MME: variants seen among roughly 807,000 people sequenced by gnomAD.
MME encodes the protein neprilysin.
In MME, 98 loss-of-function variants were observed where a neutral mutation model predicts 113.2. The ratio of observed to expected loss-of-function variants is 0.87; its 90% CI spans 0.74 to 1.02. MME has a LOEUF of 1.02. MME is among the 50% of genes least tolerant of loss of function. MME has a pLI of 0.00. For missense variants in MME, 836 were observed against 896.0 expected (o/e 0.93, Z 0.86); for synonymous variants, 292 against 300.6 (o/e 0.97, Z 0.30).
intron 1 of MME, among the ~76,000 whole-genome samples, chr3:155,063,513 AAATATATATATT>A (rs1299875279): frequency 1.8e-5 from 2 of 112,142 alleles, no homozygotes; most frequent in African/African-American, 7.8e-5. Context: ...ATATATATTT[AAATATATATATT>A]AAAAATATAT....
intron 13 of MME, 142 bp downstream of exon 13, chr3:155,143,713 G>A: frequency 1.0e-6 from 1 of 1,001,514 alleles, no homozygotes; most frequent in South Asian, 1.4e-5. Context: ...ATATGCCATT[G>A]TTTCCCAATA....
At position 155,183,406 on chromosome 3, in the gene MME, C is replaced by T. The variant is rs200757130; in HGVS notation, c.*2947C>T. 6.6e-6 allele frequency: 1 copy of T among 152,174 alleles called. No individual in the cohort carries two copies. The highest frequency in any genetic ancestry group is 1.9e-4 in the East Asian group (1 of 5,192). 9.4% of individuals were successfully genotyped at this position (152,174 alleles called of 1,614,324 possible). ...ATCAGTGGGCAGGATAAACTGAAAA[C>T]TCCCATTTACGTGTCTGAATCGAGT... On this transcript the variant is annotated 3_prime_UTR_variant, in exon 23 of 23. Coordinates refer to ENST00000360490, the MANE Select transcript of MME (RefSeq NM_007289.4).
chr3:155,118,729 A>G lies in MME; in HGVS notation c.655-17A>G. The G allele has an allele frequency of 6.7e-7, 1 of 1,483,056 alleles. No individual in the cohort carries two copies. Among genetic ancestry groups the G allele is most frequent in the Non-Finnish European group, 9.4e-7 (1 of 1,068,824 alleles). The allele number at this position is 1,483,056 out of a possible 1,614,324, so 91.9% of individuals were successfully genotyped here. A position where few individuals can be genotyped will look rare whatever the true frequency, so the allele number is the denominator to read the frequency against. On this transcript the variant is annotated splice_polypyrimidine_tract_variant and intron_variant, in intron 7 of 22. Transcript: ENST00000360490. ...TTCACTGAATGATTTATTTTCTTTTATGTATATTTTTTATAGATTGACCAA... is the reference window on the plus strand; with the variant it reads ...TTCACTGAATGATTTATTTTCTTTTGTGTATATTTTTTATAGATTGACCAA...
Position 155,168,348 on chromosome 3 carries a change from G to T in MME, c.1781-144G>T. On this transcript the variant is annotated intron_variant, in intron 18 of 22. Coordinates refer to ENST00000360490, the MANE Select transcript of MME (RefSeq NM_007289.4). ...CCAGGCTTTGCCAACTCTGTGATGA[G>T]GAGGGATGACAGTCTCTCTCATCGT... The T allele has an allele frequency of 1.4e-5, 11 of 774,588 alleles. 1 individual carries two copies. In the South Asian group the frequency reaches 1.6e-4, roughly 11 times the overall value. The allele number at this position is 774,588 out of a possible 1,614,324, so 48.0% of individuals were successfully genotyped here. A position where few individuals can be genotyped will look rare whatever the true frequency, so the allele number is the denominator to read the frequency against.
chr3:155,061,468 A>AG (rs1714144629), intron 1 of MME, among the ~76,000 whole-genome samples: 1 of 151,768 alleles, frequency 6.6e-6, no homozygotes, highest in Non-Finnish European at 1.5e-5. Context: ...AAAAAAAAAA[A>AG]AAGGTATCAA....
At chr3:155,155,543 A>G (rs953198218) in intron 16 of MME, among the ~76,000 whole-genome samples, 2 of 152,154 alleles carry the variant, frequency 1.3e-5, no homozygotes, top group Admixed American at 6.5e-5. Context: ...AGTGCCTACT[A>G]TGCTCCCACC....
In MME at chr3:155,166,892, C is replaced by G; in HGVS notation, c.1661-10C>G. 1 of 1,613,524 alleles carries G rather than the reference C, an allele frequency of 6.2e-7. No homozygotes were observed. Among genetic ancestry groups the G allele is most frequent in the East Asian group, 2.2e-5 (1 of 44,810 alleles). On this transcript the variant is annotated splice_polypyrimidine_tract_variant and intron_variant, in intron 17 of 22. Transcript: ENST00000360490. ...CACAAATAATCTCTAACTATCTTCT[C>G]TCCTTGTAGTCTTCCCAGCCGGCAT...
At chr3:155,066,960 A>G (rs1714399287) in intron 1 of MME, among the ~76,000 whole-genome samples, 1 of 152,168 alleles carries the variant, frequency 6.6e-6, no homozygotes, top group South Asian at 2.1e-4. Flanking sequence ...GTATACCCCT[A>G]CAACCATCTC....
intron 8 of MME, among the ~76,000 whole-genome samples, chr3:155,134,604 A>T (rs1217072131): frequency 5.3e-5 from 8 of 152,096 alleles, no homozygotes. Flanking sequence ...TTAACAAATG[A>T]GTGCATAAGT....
At chr3:155,093,301 C>T (rs746088533) in intron 3 of MME, among the ~76,000 whole-genome samples, 16 of 151,880 alleles carry the variant, frequency 1.1e-4, no homozygotes, top group Admixed American at 6.6e-4. Context: ...AATATATTGA[C>T]GAAAAGTCTC....
intron 22 of MME, among the ~76,000 whole-genome samples, chr3:155,177,541 T>C (rs1234952090): frequency 1.3e-5 from 2 of 152,158 alleles, no homozygotes; most frequent in Non-Finnish European, 1.5e-5. Context: ...TTTTGGCTCA[T>C]GAACAATGGA....
chr3:155,116,593 T>TATATATATAC (rs778087201), intron 5 of MME, 34 bp downstream of exon 5: 2 of 1,267,534 alleles, frequency 1.6e-6, no homozygotes, highest in Non-Finnish European at 2.2e-6. Flanking sequence ...ATTAGGAGTA[T>TATATATATAC]ATATATATAT....
intron 20 of MME, among the ~76,000 whole-genome samples, chr3:155,171,072 G>A (rs1319050879): frequency 6.6e-6 from 1 of 152,190 alleles, no homozygotes; most frequent in Non-Finnish European, 1.5e-5. Context: ...TACACAGCCA[G>A]ATTGAGAATC....
intron 4 of MME, among the ~76,000 whole-genome samples, 191 bp from the exon 5 acceptor site, chr3:155,116,288 T>C (rs1718594117): frequency 6.6e-6 from 1 of 151,980 alleles, no homozygotes; most frequent in South Asian, 2.1e-4. Flanking sequence ...AATGATAATC[T>C]GGTAAGGGGT....
chr3:155,109,308 G>A (rs1392004424), intron 3 of MME, among the ~76,000 whole-genome samples: 2 of 152,078 alleles, frequency 1.3e-5, no homozygotes, highest in African/African-American at 4.8e-5. Context: ...TATTTTCCCT[G>A]CATCATCCAG....
At chr3:155,096,573 A>T (rs1281799354) in intron 3 of MME, among the ~76,000 whole-genome samples, 1 of 152,214 alleles carries the variant, frequency 6.6e-6, no homozygotes, top group African/African-American at 2.4e-5. Flanking sequence ...ATGACGCATG[A>T]CTTTATCAGA....
intron 3 of MME, among the ~76,000 whole-genome samples, chr3:155,087,646 C>G (rs1302708023): frequency 6.6e-6 from 1 of 152,200 alleles, no homozygotes; most frequent in African/African-American, 2.4e-5. Flanking sequence ...GTCTTTAATA[C>G]ACTTGACATG....
chr3:155,092,664 A>C (rs992947746), intron 3 of MME, among the ~76,000 whole-genome samples: 1 of 152,250 alleles, frequency 6.6e-6, no homozygotes, highest in Non-Finnish European at 1.5e-5. Flanking sequence ...ACGATACCAC[A>C]CAGCAATAAA....
At chr3:155,100,755 C>T (rs1717136290) in intron 3 of MME, among the ~76,000 whole-genome samples, 1 of 152,174 alleles carries the variant, frequency 6.6e-6, no homozygotes, top group South Asian at 2.1e-4. Context: ...TGCTGTGGCA[C>T]ACACCTGTAG....
Sources: allele counts gnomAD v4.1 joint callset (sites outside exome capture counted in the v4.1 genomes callset), GRCh38; gene constraint gnomAD v4.1.1; transcripts MANE v1.5; gene names NCBI Gene and HGNC (gene_info 2026-07-23, HGNC 2026-07-21).